PHF19: variants seen among roughly 807,000 people sequenced by gnomAD.
PHF19 encodes polycomb like 3.
In PHF19, 21 loss-of-function variants were observed where a neutral mutation model predicts 79.8. That is an observed-to-expected ratio of 0.26 (90% CI 0.19 to 0.38). The LOEUF is 0.38. Among genes scored for constraint, PHF19 ranks in the 10% least tolerant of loss-of-function variants. The pLI is 1.00. For missense variants in PHF19, 445 were observed against 744.2 expected (o/e 0.60, Z 4.68); for synonymous variants, 273 against 296.3 (o/e 0.92, Z 0.81).
At chr9:120,872,673 TTTTTCTTTTTC>T (rs1393324672) in intron 3 of PHF19, among the ~76,000 whole-genome samples, 64 of 151,932 alleles carry the variant, frequency 4.2e-4, no homozygotes, top group Non-Finnish European at 6.9e-4. Flanking sequence ...AAATTCTTTT[TTTTTCTTTTTC>T]TTTTCTTTTT....
intron 6 of PHF19, 44 bp from the exon 7 acceptor site, chr9:120,867,009 A>G (rs757553455): frequency 1.7e-6 from 2 of 1,167,864 alleles, no homozygotes; most frequent in Admixed American, 1.7e-5. Context: ...CCACACCCCC[A>G]GTCAGGTATG....
the PHF19 span, among the ~76,000 whole-genome samples, chr9:120,901,013 C>CT: frequency 1.3e-5 from 2 of 152,228 alleles, no homozygotes; most frequent in African/African-American, 4.8e-5. Flanking sequence ...TTGTATGGCA[C>CT]TGACTGCTTG....
chr9:120,882,917 A>G (rs1588132731), intron 1 of PHF19, among the ~76,000 whole-genome samples: 1 of 152,170 alleles, frequency 6.6e-6, no homozygotes, highest in East Asian at 1.9e-4. Context: ...TTATTATTAC[A>G]TAATTTTTGG....
At chr9:120,864,420 T>C (rs1564496524) in intron 9 of PHF19, among the ~76,000 whole-genome samples, 1 of 139,106 alleles carries the variant, frequency 7.2e-6, no homozygotes, top group Non-Finnish European at 1.5e-5. Context: ...TAACACGAAA[T>C]AGGAACAAAA....
Position 120,862,087 on chromosome 9 carries a change from C to A in PHF19, c.1131-82G>T. ...GGCCCAGAGGGAGGCGCCGCAGGGG[C>A]GGGGGTCACAGCAGTTGGGGAGACA... On this transcript the variant is annotated intron_variant, in intron 11 of 14. Coordinates refer to ENST00000373896, the MANE Select transcript of PHF19 (RefSeq NM_015651.3). The surrounding 1 kb of genome is among the most constrained non-coding windows in gnomAD (Gnocchi z 4.6). The A allele has an allele frequency of 1.0e-6, 1 of 961,718 alleles. No homozygotes were observed. The highest frequency in any genetic ancestry group is 1.7e-6 in the Non-Finnish European group (1 of 587,394). The allele number at this position is 961,718 out of a possible 1,614,324, so 59.6% of individuals were successfully genotyped here. A position where few individuals can be genotyped will look rare whatever the true frequency, so the allele number is the denominator to read the frequency against.
Position 120,870,515 on chromosome 9 carries a change from T to C in PHF19, c.292A>G (p.Lys98Glu), listed in dbSNP as rs1378190642. 6.2e-7 allele frequency: 1 copy of C among 1,611,556 alleles called. No individual in the cohort carries two copies. Reference protein sequence around the residue: ...QHAGVPGEEPKCNICLGKTSG... With the variant: ...QHAGVPGEEPECNICLGKTSG... ...GTCTTCCCTAGGCAGATGTTGCACTTGGGCTCCTCTCCTGGAACACCGGCT... is the reference window on the plus strand; with the variant it reads ...GTCTTCCCTAGGCAGATGTTGCACTCGGGCTCCTCTCCTGGAACACCGGCT... Residue 98 changes from lysine (K) to glutamate (E), a missense_variant, in exon 4 of 15, where the codon AAG (lysine) becomes GAG (glutamate). This residue lies in a region of PHF19 where 167 missense variants were observed against 375.8 expected (regional missense o/e 0.44). Transcript: ENST00000373896. This position sits in a 1 kb window ranked among gnomAD's most constrained non-coding sequence, Gnocchi z 4.4.
chr9:120,859,994 T>G, intron 14 of PHF19, 96 bp downstream of exon 14: 1 of 717,490 alleles, frequency 1.4e-6, no homozygotes, highest in Non-Finnish European at 2.6e-6. Flanking sequence ...CTGAGACACA[T>G]AGAATGAGCC....
rs2045981495 is a variant in PHF19 at position 120,874,170 on chromosome 9, A to G, written c.187-110T>C. On this transcript the variant is annotated intron_variant, in intron 2 of 14. Transcript: ENST00000373896. The surrounding 1 kb of genome is among the most constrained non-coding windows in gnomAD (Gnocchi z 4.5). ...TCCGTATGTTCCAGAAAGCAGGGCT[A>G]GAAGGGGAAGAAGGATGGCAGTTCC... 7 of 663,770 alleles carry G rather than the reference A, an allele frequency of 1.1e-5. No individual in the cohort carries two copies. In the Admixed American group the frequency reaches 1.7e-4, roughly 16 times the overall value. 41.1% of individuals were successfully genotyped at this position (663,770 alleles called of 1,614,324 possible).
rs916891172 is a variant in PHF19, at chr9:120,856,400, T to G, written c.*1544A>C. Reference sequence around the variant, plus strand: ...GCTGCCCCGCCAGTGCCTCTTGCTGTACTACCACCTTCGCCTTCCTGCTGG... The same window carrying G: ...GCTGCCCCGCCAGTGCCTCTTGCTGGACTACCACCTTCGCCTTCCTGCTGG... On this transcript the variant is annotated 3_prime_UTR_variant, in exon 15 of 15. Coordinates refer to ENST00000373896, the MANE Select transcript of PHF19 (RefSeq NM_015651.3). 2.6e-5 allele frequency: 4 copies of G among 152,588 alleles called. No homozygotes were observed. The highest frequency in any genetic ancestry group is 9.6e-5 in the African/African-American group (4 of 41,460). The allele number at this position is 152,588 out of a possible 1,614,324, so 9.5% of individuals were successfully genotyped here.
At position 120,870,664 on chromosome 9, in the gene PHF19, A is replaced by T; in HGVS notation, c.269-126T>A. On this transcript the variant is annotated intron_variant, in intron 3 of 14. Coordinates refer to ENST00000373896, the MANE Select transcript of PHF19 (RefSeq NM_015651.3). This position sits in a 1 kb window ranked among gnomAD's most constrained non-coding sequence, Gnocchi z 4.4. ...CTGGGCCCCACATGCCACCTCACTG[A>T]ATCTCCCCAACCACTCTGAGATGCC... The T allele has an allele frequency of 3.1e-6, 2 of 639,458 alleles. No individual in the cohort carries two copies. Among genetic ancestry groups the T allele is most frequent in the Admixed American group, 5.0e-5 (2 of 40,194 alleles). 39.6% of individuals were successfully genotyped at this position (639,458 alleles called of 1,614,324 possible).
At chr9:120,880,615 T>C (rs1366851260), upstream of PHF19, among the ~76,000 whole-genome samples, 1 of 152,204 alleles carries the variant, frequency 6.6e-6, no homozygotes, top group African/African-American at 2.4e-5. Flanking sequence ...GGAAAAAAAC[T>C]AACATCAAGT....
At chr9:120,858,811 TCACACACACA>T (rs56042039) in intron 14 of PHF19, among the ~76,000 whole-genome samples, 83 of 122,892 alleles carry the variant, frequency 6.8e-4, no homozygotes, top group Middle Eastern at 4.0e-3. Context: ...CTGACAGACA[TCACACACACA>T]CACACACACA....
intron 1 of PHF19, among the ~76,000 whole-genome samples, chr9:120,887,383 G>A (rs2131592654): frequency 1.3e-5 from 2 of 152,318 alleles, no homozygotes; most frequent in South Asian, 4.1e-4. Flanking sequence ...GAACCTGGGA[G>A]GCGGAGGTTG....
At chr9:120,861,374 C>T (rs1389360841) in intron 12 of PHF19, among the ~76,000 whole-genome samples, 200 bp from the exon 13 acceptor site, 8 of 152,236 alleles carry the variant, frequency 5.3e-5, no homozygotes, top group Middle Eastern at 3.4e-3. Flanking sequence ...GCTGACTGTA[C>T]GACCTTCACG....
At chr9:120,872,364 C>T (rs985076712) in intron 3 of PHF19, among the ~76,000 whole-genome samples, 2 of 152,256 alleles carry the variant, frequency 1.3e-5, no homozygotes, top group African/African-American at 4.8e-5. Context: ...AGCCACTCTT[C>T]AGCTGATCAC....
At chr9:120,882,874 TACAC>T (rs1450001391) in intron 1 of PHF19, among the ~76,000 whole-genome samples, 2 of 151,170 alleles carry the variant, frequency 1.3e-5, no homozygotes, top group Non-Finnish European at 3.0e-5. Flanking sequence ...GAAACTGCTC[TACAC>T]ACAAGAGGCT....
chr9:120,899,821 C>T (rs2046425546), upstream of PHF19, among the ~76,000 whole-genome samples: 1 of 152,186 alleles, frequency 6.6e-6, no homozygotes, highest in South Asian at 2.1e-4. Flanking sequence ...CAAGGCAAAT[C>T]CCCTCCTCAG....
rs186162285 is a variant in PHF19, at chr9:120,891,061, C to T, written c.42+3727G>A. ...CTTGATGGGGATTTTCCTTCCCCTT[C>T]GTCATGTGGCTGGATGGTCCTTATT... On this transcript the variant is annotated intron_variant, in intron 1 of 14. Transcript: ENST00000616568. This position sits in a 1 kb window ranked among gnomAD's most constrained non-coding sequence, Gnocchi z 4.3. Among the ~76,000 whole-genome samples, 4 of 152,296 alleles carry T rather than the reference C, an allele frequency of 2.6e-5. No homozygotes were observed. Among genetic ancestry groups the T allele is most frequent in the East Asian group, 1.9e-4 (1 of 5,182 alleles).
the PHF19 span, chr9:120,902,585 T>TCCC: frequency 6.6e-6 from 1 of 151,580 alleles, no homozygotes; most frequent in Non-Finnish European, 1.5e-5. Context: ...TCTGACTCCC[T>TCCC]CCCCCATCCT....
Sources: allele counts gnomAD v4.1 joint callset (sites outside exome capture counted in the v4.1 genomes callset), GRCh38; gene constraint gnomAD v4.1.1; regional missense constraint gnomAD v4.1.1; non-coding constraint Gnocchi (gnomAD v3.1); transcripts MANE v1.5; gene names NCBI Gene and HGNC (gene_info 2026-07-23, HGNC 2026-07-21).